Variants in PXK observed in about 807,000 individuals in gnomAD.
PXK encodes PX domain-containing protein kinase-like protein.
PXK carries 35 observed loss-of-function variants against 84.7 expected under a neutral mutation model. The ratio of observed to expected loss-of-function variants is 0.41; its 90% confidence interval spans 0.32 to 0.55. The LOEUF is 0.55. Among genes scored for constraint, PXK ranks in the 20% least tolerant of loss-of-function variants. PXK has a pLI of 0.21. For missense variants in PXK, 634 were observed against 699.7 expected (o/e 0.91, Z 1.06); for synonymous variants, 253 against 260.8 (o/e 0.97, Z 0.29).
intron 4 of PXK, among the ~76,000 whole-genome samples, chr3:58,387,065 T>G (rs928808290): frequency 1.3e-5 from 2 of 152,204 alleles, no homozygotes; most frequent in Non-Finnish European, 2.9e-5. Flanking sequence ...GAGTCAGTGT[T>G]TGTTCCCTGC....
chr3:58,365,145 T>A (rs2098251446), intron 1 of PXK, among the ~76,000 whole-genome samples: 1 of 152,010 alleles, frequency 6.6e-6, no homozygotes, highest in Admixed American at 6.6e-5. Flanking sequence ...ATATAAGCAT[T>A]TAGTGCTTAA....
At chr3:58,349,395 G>A (rs1244928212) in intron 1 of PXK, among the ~76,000 whole-genome samples, 9 of 135,070 alleles carry the variant, frequency 6.7e-5, no homozygotes, top group Admixed American at 1.6e-4. Context: ...TCACTCTGTC[G>A]CCCAGGCTGG....
chr3:58,391,276 G>A, intron 6 of PXK, 56 bp downstream of exon 6: 1 of 1,430,310 alleles, frequency 7.0e-7, no homozygotes, highest in Non-Finnish European at 9.8e-7. Context: ...GTTAATGAAA[G>A]CAGATTTGAC....
chr3:58,384,502 G>A (rs1344362677), intron 4 of PXK, among the ~76,000 whole-genome samples: 2 of 152,060 alleles, frequency 1.3e-5, no homozygotes, highest in Middle Eastern at 3.2e-3. Flanking sequence ...TTTTGTTCAC[G>A]GAAGAGAAAA....
intron 2 of PXK, 137 bp from the exon 3 acceptor site, chr3:58,369,294 G>T (rs532814694): frequency 1.7e-6 from 1 of 585,430 alleles, no homozygotes; most frequent in East Asian, 3.0e-5. Flanking sequence ...TTAAGCACCA[G>T]GTATAAGCCC....
Position 58,398,859 on chromosome 3 carries a change from T to C in PXK, c.1103-440T>C, listed in dbSNP as rs1404915732. 6.6e-6 allele frequency among the ~76,000 whole-genome samples: 1 copy of C among 152,228 alleles called. No individual in the cohort carries two copies. The highest frequency in any genetic ancestry group is 2.4e-5 in the African/African-American group (1 of 41,458). ...CCTGTGGGTAGAAAAATCTGGCTGCTCCTGTTAATAGCATCCAAGGTGTTG... is the reference window on the plus strand; with the variant it reads ...CCTGTGGGTAGAAAAATCTGGCTGCCCCTGTTAATAGCATCCAAGGTGTTG... On this transcript the variant is annotated intron_variant, in intron 11 of 17. Transcript: ENST00000356151. The surrounding 1 kb of genome is among the most constrained non-coding windows in gnomAD (Gnocchi z 4.5).
At position 58,414,175 on chromosome 3, in the gene PXK, A is replaced by T. The variant is rs2060630589; in HGVS notation, c.1528+1212A>T. ...TTAGGCTGATCAGAAATGTCTGGTGATCTACTGCCCGGACTATATTAAGCC... is the reference window on the plus strand; with the variant it reads ...TTAGGCTGATCAGAAATGTCTGGTGTTCTACTGCCCGGACTATATTAAGCC... On this transcript the variant is annotated intron_variant, in intron 17 of 17. Coordinates refer to ENST00000356151, the MANE Select transcript of PXK (RefSeq NM_017771.5). This position sits in a 1 kb window ranked among gnomAD's most constrained non-coding sequence, Gnocchi z 4.5. 6.6e-6 allele frequency: 1 copy of T among 152,202 alleles called. No individual in the cohort carries two copies. Among genetic ancestry groups the T allele is most frequent in the Admixed American group, 6.5e-5 (1 of 15,288 alleles). The allele number at this position is 152,202 out of a possible 1,614,324, so 9.4% of individuals were successfully genotyped here.
chr3:58,358,617 G>A (rs943836444), intron 1 of PXK, among the ~76,000 whole-genome samples: 1 of 152,158 alleles, frequency 6.6e-6, no homozygotes, highest in Non-Finnish European at 1.5e-5. Context: ...TTTGGGGTCA[G>A]ATGGCTCTTT....
intron 17 of PXK, among the ~76,000 whole-genome samples, chr3:58,415,916 T>C (rs973356303): frequency 1.3e-5 from 2 of 151,940 alleles, no homozygotes; most frequent in African/African-American, 4.8e-5. Flanking sequence ...ATCTTGGGGG[T>C]AGGGGGTGCT....
In PXK at chr3:58,416,823, A is replaced by G. The variant is rs533240488; in HGVS notation, c.1528+3860A>G. ...TTTTTGATAGAGATGGGGTTTCACT[A>G]CGTTGGCCAGGCTGGTCTTGAACTC... On this transcript the variant is annotated intron_variant, in intron 17 of 17. Coordinates refer to ENST00000356151, the MANE Select transcript of PXK (RefSeq NM_017771.5). The surrounding 1 kb of genome is among the most constrained non-coding windows in gnomAD (Gnocchi z 4.8). Among the ~76,000 whole-genome samples the G allele has an allele frequency of 4.6e-5, 7 of 152,180 alleles. No individual in the cohort carries two copies. In the East Asian group the frequency reaches 1.2e-3, roughly 25 times the overall value.
At chr3:58,354,537 C>T (rs1481601876) in intron 1 of PXK, among the ~76,000 whole-genome samples, 1 of 151,538 alleles carries the variant, frequency 6.6e-6, no homozygotes, top group Non-Finnish European at 1.5e-5. Context: ...ACCTCCACCT[C>T]CTAGGTTCAA....
At chr3:58,395,152 C>A in intron 8 of PXK, 50 bp downstream of exon 8, 1 of 1,352,440 alleles carries the variant, frequency 7.4e-7, no homozygotes, top group Non-Finnish European at 1.1e-6. Context: ...TCCTTTAGAA[C>A]CTGTTATTGA....
chr3:58,388,485 G>C (rs75232068), intron 4 of PXK, among the ~76,000 whole-genome samples: 3,216 of 152,180 alleles, frequency 0.021, 54 homozygotes, highest in Middle Eastern at 0.058. Flanking sequence ...CTTTATGTTC[G>C]AGTTACTTTG....
At chr3:58,420,529 T>C in intron 17 of PXK, 3 of 1,535,996 alleles carry the variant, frequency 2.0e-6, no homozygotes, top group Non-Finnish European at 2.6e-6. Flanking sequence ...CTCTTTGCTG[T>C]TTTCAGTAGA....
At position 58,398,423 on chromosome 3, in the gene PXK, A is replaced by G. The variant is rs1450964028; in HGVS notation, c.1102+701A>G. ...ACTCTGCCTCAAACGAAAACAAAAC[A>G]AAACAAGAATGCCATAGGCCAGAAG... On this transcript the variant is annotated intron_variant, in intron 11 of 17. Coordinates refer to ENST00000356151, the MANE Select transcript of PXK (RefSeq NM_017771.5). This position sits in a 1 kb window ranked among gnomAD's most constrained non-coding sequence, Gnocchi z 4.5. Among the ~76,000 whole-genome samples, 2 of 152,214 alleles carry G rather than the reference A, an allele frequency of 1.3e-5. No homozygotes were observed. Among genetic ancestry groups the G allele is most frequent in the Non-Finnish European group, 2.9e-5 (2 of 68,046 alleles).
At chr3:58,373,722 T>C (rs1467118605) in intron 3 of PXK, among the ~76,000 whole-genome samples, 1 of 152,174 alleles carries the variant, frequency 6.6e-6, no homozygotes, top group Non-Finnish European at 1.5e-5. Flanking sequence ...CTGTTTCCTC[T>C]GCCTGGAAGT....
At position 58,401,777 on chromosome 3, in the gene PXK, A is replaced by T. The variant is rs1376072618; in HGVS notation, c.1182-2085A>T. The stretch of plus-strand genomic sequence containing the variant: ...CTGTCTCTACTAAAAATGCAAAAAA[A>T]TTAGCCGAGCGTGGTGGCGGGCGTC... On this transcript the variant is annotated intron_variant, in intron 12 of 17. Transcript: ENST00000356151. This position sits in a 1 kb window ranked among gnomAD's most constrained non-coding sequence, Gnocchi z 4.4. Among the ~76,000 whole-genome samples the T allele has an allele frequency of 2.6e-5, 4 of 151,972 alleles. No homozygotes were observed. Among genetic ancestry groups the T allele is most frequent in the Non-Finnish European group, 5.9e-5 (4 of 68,018 alleles).
At chr3:58,343,387 A>G (rs975955263) in intron 1 of PXK, among the ~76,000 whole-genome samples, 1 of 152,236 alleles carries the variant, frequency 6.6e-6, no homozygotes, top group Non-Finnish European at 1.5e-5. Context: ...TCACACTGCC[A>G]TGCTGTAGGC....
chr3:58,409,997 G>T lies in PXK; in HGVS notation c.1396-93G>T. The stretch of plus-strand genomic sequence containing the variant: ...TTGTCTGCAGCTAGTTTAATGGTAT[G>T]CCTGGAAAATATTTTTATTCTAACT... On this transcript the variant is annotated intron_variant, in intron 15 of 17. Coordinates refer to ENST00000356151, the MANE Select transcript of PXK (RefSeq NM_017771.5). This position sits in a 1 kb window ranked among gnomAD's most constrained non-coding sequence, Gnocchi z 4.2. The T allele has an allele frequency of 1.3e-6, 1 of 790,432 alleles. No homozygotes were observed. Among genetic ancestry groups the T allele is most frequent in the Non-Finnish European group, 2.1e-6 (1 of 473,098 alleles). 49.0% of individuals were successfully genotyped at this position (790,432 alleles called of 1,614,324 possible).
Sources: gnomAD v4.1 joint callset for allele counts (sites outside exome capture counted in the v4.1 genomes callset) on GRCh38, gnomAD v4.1.1 for gene constraint, Gnocchi (gnomAD v3.1) non-coding constraint, MANE v1.5 for transcripts, NCBI Gene and HGNC (gene_info 2026-07-23, HGNC 2026-07-21) for gene names.